Variants in ZNF804A observed in about 807,000 individuals in gnomAD.
The protein encoded by ZNF804A is zinc finger protein 804A.
A neutral mutation model predicts 16.5 loss-of-function variants in ZNF804A; 2 were observed. The observed-to-expected ratio is 0.12, with a 90% CI of 0.05 to 0.38. The LOEUF (loss-of-function observed/expected upper bound fraction) is 0.38, where lower values mean the gene tolerates loss of function less well. Ranked by LOEUF, ZNF804A falls within the 10% of genes least tolerant of loss-of-function variation. ZNF804A has a pLI of 0.99. For synonymous variants in ZNF804A, 534 were observed against 489.6 expected (o/e 1.09, Z -1.20); for missense variants, 1,473 against 1,390.7 (o/e 1.06, Z -0.94).
intron 1 of ZNF804A, among the ~76,000 whole-genome samples, chr2:184,797,040 C>T (rs1158020705): frequency 2.0e-5 from 3 of 151,936 alleles, no homozygotes; most frequent in African/African-American, 7.3e-5. Flanking sequence ...TGTTTTATGG[C>T]CTATCATATG....
intron 1 of ZNF804A, among the ~76,000 whole-genome samples, chr2:184,628,288 G>A (rs1467241668): frequency 2.6e-5 from 4 of 151,700 alleles, no homozygotes; most frequent in Non-Finnish European, 5.9e-5. Context: ...GCAACAGCCT[G>A]GGCAACAGGA....
intron 2 of ZNF804A, among the ~76,000 whole-genome samples, chr2:184,922,048 T>C (rs530694213): frequency 6.6e-6 from 1 of 152,330 alleles, no homozygotes; most frequent in South Asian, 2.1e-4. Context: ...TTCCAAATCT[T>C]TACTATTGTG....
At chr2:184,774,247 C>T (rs1694256594) in intron 1 of ZNF804A, among the ~76,000 whole-genome samples, 2 of 151,864 alleles carry the variant, frequency 1.3e-5, no homozygotes, top group African/African-American at 4.8e-5. Context: ...TAAACATACA[C>T]AGAATTTACA....
intron 1 of ZNF804A, among the ~76,000 whole-genome samples, chr2:184,766,984 C>T (rs1273523990): frequency 2.0e-5 from 3 of 151,994 alleles, no homozygotes; most frequent in Non-Finnish European, 2.9e-5. Context: ...CAGGACATAC[C>T]AGAGGCATGC....
intron 1 of ZNF804A, among the ~76,000 whole-genome samples, chr2:184,861,146 T>C (rs1695794717): frequency 6.6e-6 from 1 of 152,160 alleles, no homozygotes; most frequent in Admixed American, 6.5e-5. Context: ...CATTAGTTTT[T>C]TGGGGGGACA....
intron 1 of ZNF804A, among the ~76,000 whole-genome samples, chr2:184,699,068 A>G (rs949446441): frequency 6.6e-6 from 1 of 152,050 alleles, no homozygotes; most frequent in African/African-American, 2.4e-5. Flanking sequence ...ACACCTGAAT[A>G]AAACTGGGAT....
chr2:184,831,789 G>A (rs565933776), intron 1 of ZNF804A, among the ~76,000 whole-genome samples: 1 of 151,492 alleles, frequency 6.6e-6, no homozygotes, highest in East Asian at 1.9e-4. Context: ...TGGAATGGAA[G>A]AATGGAAAGT....
At position 184,936,840 on chromosome 2, in the gene ZNF804A, G is replaced by C. The variant is rs1171861768; in HGVS notation, c.1444G>C (p.Asp482His). The C allele has an allele frequency of 1.2e-6, 2 of 1,612,656 alleles. No individual in the cohort carries two copies. The highest frequency in any genetic ancestry group is 2.2e-5 in the East Asian group (1 of 44,852). Reference sequence around the variant, plus strand: ...AGATAAAAATAAGCCAGACTTAAAAGATCTTTGTTCTCAGCAGAAGCAGGA... The same window carrying C: ...AGATAAAAATAAGCCAGACTTAAAACATCTTTGTTCTCAGCAGAAGCAGGA... ...NLDKNKPDLK[D>H]LCSQQKQEDI... The change falls in exon 4 of 4, where the codon GAT becomes CAT. Residue 482 changes from aspartate (D) to histidine (H), a missense_variant. Asp to His is a moderately conservative substitution (Grantham distance 81). Coordinates refer to ENST00000302277, the MANE Select transcript of ZNF804A (RefSeq NM_194250.2).
chr2:184,837,996 C>G (rs549704406), intron 1 of ZNF804A, among the ~76,000 whole-genome samples: 1 of 151,908 alleles, frequency 6.6e-6, no homozygotes, highest in Non-Finnish European at 1.5e-5. Context: ...CAGAGGAGCC[C>G]CAGCAGCAGA....
chr2:184,921,217 G>A (rs951179599), intron 2 of ZNF804A, among the ~76,000 whole-genome samples: 1 of 151,982 alleles, frequency 6.6e-6, no homozygotes, highest in Non-Finnish European at 1.5e-5. Context: ...CTTTATTCTT[G>A]TTTCAGAAAA....
intron 2 of ZNF804A, chr2:184,902,710 T>C (rs1025762592): frequency 2.6e-5 from 4 of 152,208 alleles, no homozygotes; most frequent in Non-Finnish European, 5.9e-5. Context: ...TGCTTCTGAA[T>C]GTTTTCTTTT....
chr2:184,796,890 C>T (rs985893833), intron 1 of ZNF804A, among the ~76,000 whole-genome samples: 7 of 152,078 alleles, frequency 4.6e-5, no homozygotes, highest in African/African-American at 1.7e-4. Flanking sequence ...TGACCCAATG[C>T]TTATTCAGGG....
intron 1 of ZNF804A, among the ~76,000 whole-genome samples, chr2:184,715,820 G>A (rs929742643): frequency 2.0e-5 from 3 of 152,074 alleles, no homozygotes; most frequent in African/African-American, 7.2e-5. Flanking sequence ...ACTGAGTATA[G>A]GGGACTGATA....
At chr2:184,884,779 A>G (rs1273808812) in intron 2 of ZNF804A, among the ~76,000 whole-genome samples, 1 of 152,218 alleles carries the variant, frequency 6.6e-6, no homozygotes, top group Non-Finnish European at 1.5e-5. Flanking sequence ...AATTCTGTAC[A>G]TAGGCCCTGG....
intron 2 of ZNF804A, among the ~76,000 whole-genome samples, chr2:184,924,009 TTGTG>T (rs3046265): frequency 4.2e-4 from 63 of 149,294 alleles, no homozygotes; most frequent in African/African-American, 8.6e-4. Context: ...TAGTTTTGTT[TTGTG>T]TGTGTGTGTG....
chr2:184,713,451 G>T (rs1158845136), intron 1 of ZNF804A, among the ~76,000 whole-genome samples: 3 of 151,618 alleles, frequency 2.0e-5, no homozygotes, highest in Non-Finnish European at 4.4e-5. Context: ...GAACTTACAT[G>T]AACCATCTAA....
chr2:184,604,315 T>G (rs1241327663), intron 1 of ZNF804A, among the ~76,000 whole-genome samples: 1 of 151,398 alleles, frequency 6.6e-6, no homozygotes, highest in Non-Finnish European at 1.5e-5. Flanking sequence ...GGACTACAGG[T>G]GCCCGCCATC....
chr2:184,668,965 A>G (rs2105711063), intron 1 of ZNF804A, among the ~76,000 whole-genome samples: 1 of 140,406 alleles, frequency 7.1e-6, no homozygotes, highest in East Asian at 2.0e-4. Flanking sequence ...TTTTGTATTT[A>G]GTACCAGTTC....
intron 1 of ZNF804A, among the ~76,000 whole-genome samples, chr2:184,840,181 G>A (rs1340017897): frequency 6.6e-6 from 1 of 152,156 alleles, no homozygotes; most frequent in Non-Finnish European, 1.5e-5. Flanking sequence ...CTGAGGTCAG[G>A]AGTTCGAGTC....
Sources: gnomAD v4.1 joint callset for allele counts (sites outside exome capture counted in the v4.1 genomes callset) on GRCh38, gnomAD v4.1.1 for gene constraint, MANE v1.5 for transcripts, NCBI Gene and HGNC (gene_info 2026-07-23, HGNC 2026-07-21) for gene names.